The following MAPT variants were observed in gnomAD, a reference collection of about 807,000 sequenced individuals.
MAPT encodes microtubule-associated protein tau.
MAPT carries 34 observed loss-of-function variants against 67.9 expected under a neutral mutation model. The observed-to-expected ratio is 0.50, with a 90% CI of 0.38 to 0.67. The LOEUF (loss-of-function observed/expected upper bound fraction) is 0.67. MAPT is among the 30% of genes least tolerant of loss of function. The probability of loss-of-function intolerance (pLI) is 0.00; values close to 1 mark genes in which losing one functional copy is unlikely to be tolerated. For missense variants in MAPT, 881 were observed against 1,115.2 expected (o/e 0.79, Z 2.99); for synonymous variants, 456 against 464.5 (o/e 0.98, Z 0.23).
Position 46,010,282 on chromosome 17 carries a change from C to T in MAPT, c.1999-28C>T. On this transcript the variant is annotated intron_variant, in intron 9 of 12. Coordinates refer to ENST00000262410, the MANE Select transcript of MAPT (RefSeq NM_001377265.1). This position sits in a 1 kb window ranked among gnomAD's most constrained non-coding sequence, Gnocchi z 4.7. ...AGCAGGCGGGTCCAGGGTGGCGTGT[C>T]ACTCATCCTTTTTTCTGGCTACCAA... 6.7e-7 allele frequency: 1 copy of T among 1,491,532 alleles called. No individual in the cohort carries two copies. Among genetic ancestry groups the T allele is most frequent in the Non-Finnish European group, 9.2e-7 (1 of 1,092,048 alleles). The allele number at this position is 1,491,532 out of a possible 1,614,324, so 92.4% of individuals were successfully genotyped here. A position where few individuals can be genotyped will look rare whatever the true frequency, so the allele number is the denominator to read the frequency against.
intron 1 of MAPT, among the ~76,000 whole-genome samples, chr17:45,924,630 C>T (rs559033179): frequency 4.6e-5 from 7 of 152,348 alleles, no homozygotes; most frequent in Admixed American, 2.0e-4. Context: ...CCATCACATG[C>T]GTACACCCAT....
intron 1 of MAPT, among the ~76,000 whole-genome samples, chr17:45,955,627 C>A (rs1234992380): frequency 2.0e-5 from 3 of 152,194 alleles, no homozygotes; most frequent in Non-Finnish European, 4.4e-5. Context: ...CACAAGCAAC[C>A]CCGCCCCATG....
chr17:45,939,946 A>G (rs1296430018), intron 1 of MAPT, among the ~76,000 whole-genome samples: 2 of 152,168 alleles, frequency 1.3e-5, no homozygotes, highest in Non-Finnish European at 2.9e-5. Context: ...TCACTTTAGC[A>G]TATTTTTGCT....
At chr17:46,009,907 T>C (rs1459531730) in intron 9 of MAPT, among the ~76,000 whole-genome samples, 1 of 152,182 alleles carries the variant, frequency 6.6e-6, no homozygotes, top group Non-Finnish European at 1.5e-5. Context: ...TGAGTGGAGA[T>C]GCCGGGGAAC....
chr17:45,933,097 A>AC (rs200924217), intron 1 of MAPT, among the ~76,000 whole-genome samples: 21,738 of 152,080 alleles, frequency 0.14, 2,125 homozygotes, highest in Non-Finnish European at 0.22. Context: ...AAACAAACAA[A>AC]AAAAAAAACC....
chr17:45,988,474 C>CA (rs1158362947), intron 6 of MAPT, among the ~76,000 whole-genome samples: 3 of 152,208 alleles, frequency 2.0e-5, no homozygotes, highest in African/African-American at 7.2e-5. Flanking sequence ...GGGTGTCAGT[C>CA]ACCATCTATC....
At chr17:45,935,658 T>C (rs17650381) in intron 1 of MAPT, among the ~76,000 whole-genome samples, 21,806 of 152,162 alleles carry the variant, frequency 0.14, 2,133 homozygotes, top group Middle Eastern at 0.22. Context: ...ATCCGGGCTC[T>C]TCCAGAATGT....
Position 45,936,663 on chromosome 17 carries a change from TAACTG to T in MAPT, c.-17-25655_-17-25651del, listed in dbSNP as rs528158496. Among the ~76,000 whole-genome samples, 276 of 152,316 alleles carry T rather than the reference TAACTG, an allele frequency of 1.8e-3. 2 individuals carry two copies. Among genetic ancestry groups the T allele is most frequent in the African/African-American group, 5.9e-3 (246 of 41,572 alleles). On this transcript the variant is annotated intron_variant, in intron 1 of 12. Transcript: ENST00000262410. ...TGGCAATTTTGATTTAAAGTGATCT[TAACTG>T]AAGAGACTAATGGACGGGTCTGAAT...
chr17:45,943,463 C>T (rs2068174839), intron 1 of MAPT, among the ~76,000 whole-genome samples: 1 of 152,194 alleles, frequency 6.6e-6, no homozygotes, highest in African/African-American at 2.4e-5. Context: ...TGATTTCCAA[C>T]AGAATTGCCA....
At chr17:45,945,607 G>A (rs1028682558) in intron 1 of MAPT, among the ~76,000 whole-genome samples, 8 of 152,198 alleles carry the variant, frequency 5.3e-5, no homozygotes, top group African/African-American at 1.9e-4. Context: ...GAGATCAGGA[G>A]TTCGAGACCA....
rs67120485 is a variant in MAPT, at chr17:45,971,136, GA to G, written c.134-722del. 0.14 allele frequency among the ~76,000 whole-genome samples: 21,975 copies of G among 152,132 alleles called. 2,132 individuals are homozygous for G. Among genetic ancestry groups the G allele is most frequent in the Non-Finnish European group, 0.22 (14,729 of 67,962 alleles). On this transcript the variant is annotated intron_variant, in intron 2 of 12. Coordinates refer to ENST00000262410, the MANE Select transcript of MAPT (RefSeq NM_001377265.1). The surrounding 1 kb of genome is among the most constrained non-coding windows in gnomAD (Gnocchi z 4.3). The stretch of plus-strand genomic sequence containing the variant: ...AATTCAGCCCTTCTAGGAGGAGGAG[GA>G]GGTAGTTTTCTCATTTCTATTAAGG...
Position 46,010,428 on chromosome 17 carries a change from G to T in MAPT, c.2091+26G>T. On this transcript the variant is annotated intron_variant, in intron 10 of 12. Coordinates refer to ENST00000262410, the MANE Select transcript of MAPT (RefSeq NM_001377265.1). This position sits in a 1 kb window ranked among gnomAD's most constrained non-coding sequence, Gnocchi z 4.7. The stretch of plus-strand genomic sequence containing the variant: ...GTGAGTACCTTCACACGTCCCATGC[G>T]CCGTGCTGTGGCTTGAATTATTAGG... 1.4e-6 allele frequency: 2 copies of T among 1,474,260 alleles called. No homozygotes were observed. Among genetic ancestry groups the T allele is most frequent in the Non-Finnish European group, 1.9e-6 (2 of 1,073,876 alleles). 91.3% of individuals were successfully genotyped at this position (1,474,260 alleles called of 1,614,324 possible). A position where few individuals can be genotyped will look rare whatever the true frequency, so the allele number is the denominator to read the frequency against.
chr17:45,941,709 T>TCCTTCCTTCCTTCCTTCCTG (rs1568208257), intron 1 of MAPT, among the ~76,000 whole-genome samples: 2 of 107,284 alleles, frequency 1.9e-5, no homozygotes, highest in African/African-American at 8.9e-5. Flanking sequence ...CTGCCTGCCT[T>TCCTTCCTTCCTTCCTTCCTG]CCTTCCTTCC....
intron 1 of MAPT, among the ~76,000 whole-genome samples, chr17:45,938,970 C>T (rs57301708): frequency 3.6e-4 from 54 of 152,062 alleles, no homozygotes; most frequent in African/African-American, 1.1e-3. Flanking sequence ...TGCACCACCA[C>T]GCCCGACTAA....
chr17:45,997,374 G>C (rs1375937969), intron 9 of MAPT, among the ~76,000 whole-genome samples: 1 of 152,200 alleles, frequency 6.6e-6, no homozygotes, highest in African/African-American at 2.4e-5. Context: ...AGGCCTCTCT[G>C]TGGCCGTGGG....
intron 6 of MAPT, among the ~76,000 whole-genome samples, chr17:45,987,818 T>A (rs2073710636): frequency 6.6e-6 from 1 of 152,180 alleles, no homozygotes; most frequent in African/African-American, 2.4e-5. Context: ...TGGAAGGGCC[T>A]GTGGGGATTT....
chr17:45,983,178 A>T lies in MAPT; in HGVS notation c.599A>T (p.Glu200Val). Residue 200 changes from glutamate (E) to valine (V), a missense_variant, in exon 5 of 13, where the codon GAG becomes GTG. Coordinates refer to ENST00000262410, the MANE Select transcript of MAPT (RefSeq NM_001377265.1). ...GCCACCACTGCGTATCTCCACACAG[A>T]GCCTGAAAGTGGTAAGGTGGTCCAG... is the stretch of plus-strand genomic sequence containing the variant. ...KPATTAYLHT[E>V]PESGKVVQEG... is the part of the protein sequence containing the mutation. 1 of 1,608,020 alleles carries T rather than the reference A, an allele frequency of 6.2e-7. No individual in the cohort carries two copies. The highest frequency in any genetic ancestry group is 8.5e-7 in the Non-Finnish European group (1 of 1,177,510).
chr17:45,936,759 G>A (rs536966543), intron 1 of MAPT, among the ~76,000 whole-genome samples: 1 of 152,292 alleles, frequency 6.6e-6, no homozygotes, highest in African/African-American at 2.4e-5. Context: ...GCAGGCAGAG[G>A]CCTTCCCCCA....
intron 1 of MAPT, among the ~76,000 whole-genome samples, chr17:45,919,108 T>G (rs2065457639): frequency 6.6e-6 from 1 of 151,090 alleles, no homozygotes; most frequent in Non-Finnish European, 1.5e-5. Context: ...AAGAAATAAA[T>G]TATTGTTTAT....
Sources: gnomAD v4.1 joint callset for allele counts (sites outside exome capture counted in the v4.1 genomes callset) on GRCh38, gnomAD v4.1.1 for gene constraint, Gnocchi (gnomAD v3.1) non-coding constraint, MANE v1.5 for transcripts, NCBI Gene and HGNC (gene_info 2026-07-23, HGNC 2026-07-21) for gene names.